The following NFIA variants were observed in gnomAD, a reference collection of about 807,000 sequenced individuals.
The protein encoded by NFIA is nuclear factor 1 A-type.
A neutral mutation model predicts 62.8 loss-of-function variants in NFIA; 8 were observed. That is an observed-to-expected ratio of 0.13 (90% CI 0.07 to 0.23). The LOEUF is 0.23. Ranked by LOEUF, NFIA falls within the 10% of genes least tolerant of loss-of-function variation. NFIA has a pLI of 1.00. For synonymous variants in NFIA, 235 were observed against 238.1 expected (o/e 0.99, Z 0.12); for missense variants, 410 against 642.1 (o/e 0.64, Z 3.91).
intron 2 of NFIA, among the ~76,000 whole-genome samples, chr1:61,274,384 A>G (rs1464449807): frequency 2.0e-5 from 3 of 152,260 alleles, no homozygotes; most frequent in Non-Finnish European, 2.9e-5. Context: ...AAAAAAATTG[A>G]TAACCCTAAT....
chr1:61,419,280 C>CA (rs962591630), intron 9 of NFIA, among the ~76,000 whole-genome samples: 30 of 151,932 alleles, frequency 2.0e-4, no homozygotes, highest in Admixed American at 1.8e-3. Flanking sequence ...CCTACTTCTA[C>CA]AAAAAATAAA....
intron 9 of NFIA, among the ~76,000 whole-genome samples, chr1:61,423,304 T>C (rs2100550091): frequency 6.6e-6 from 1 of 152,218 alleles, no homozygotes; most frequent in Admixed American, 6.5e-5. Flanking sequence ...TGATTTGATT[T>C]CTAATAGTCA....
intron 3 of NFIA, among the ~76,000 whole-genome samples, chr1:61,323,178 C>T (rs1378499154): frequency 6.6e-6 from 1 of 152,162 alleles, no homozygotes; most frequent in Non-Finnish European, 1.5e-5. Context: ...GTGACAATTT[C>T]TTAATGTGTC....
At chr1:61,319,858 A>G (rs1047967730) in intron 3 of NFIA, among the ~76,000 whole-genome samples, 6 of 148,516 alleles carry the variant, frequency 4.0e-5, no homozygotes, top group Non-Finnish European at 8.9e-5. Flanking sequence ...ATCACACTCT[A>G]TTAAGCCAGG....
intron 2 of NFIA, among the ~76,000 whole-genome samples, chr1:61,266,598 A>G (rs1384370047): frequency 2.0e-5 from 3 of 151,984 alleles, no homozygotes; most frequent in Non-Finnish European, 4.4e-5. Context: ...GGGTTTCTCC[A>G]TATTGGCCAG....
intron 2 of NFIA, among the ~76,000 whole-genome samples, chr1:61,199,976 C>G (rs1269283234): frequency 7.3e-6 from 1 of 136,622 alleles, no homozygotes; most frequent in Non-Finnish European, 1.5e-5. Flanking sequence ...GCCTGCACGA[C>G]AGAGCGAGAC....
In NFIA at chr1:61,092,348, G is replaced by C. The variant is rs998652180; in HGVS notation, c.559+3668G>C. Among the ~76,000 whole-genome samples the C allele has an allele frequency of 5.3e-5, 8 of 152,196 alleles. No individual in the cohort carries two copies. In the South Asian group the frequency reaches 1.7e-3, roughly 32 times the overall value. On this transcript the variant is annotated intron_variant, in intron 2 of 10. Coordinates refer to ENST00000403491, the MANE Select transcript of NFIA (RefSeq NM_001134673.4). ...GCAAGTTGCTGTTGTCCTAATGGCA[G>C]CAGTATGAGTACTTGTTAGTTTTAA...
chr1:61,450,290 A>G (rs1005609873), intron 10 of NFIA, among the ~76,000 whole-genome samples: 1 of 152,388 alleles, frequency 6.6e-6, no homozygotes, highest in South Asian at 2.1e-4. Context: ...CTCAGAGTCC[A>G]CTGAGAGACC....
chr1:61,264,633 A>C (rs1657027357), intron 2 of NFIA, among the ~76,000 whole-genome samples: 1 of 146,130 alleles, frequency 6.8e-6, no homozygotes, highest in African/African-American at 2.6e-5. Context: ...CCTGGGCGAT[A>C]AGAGCAAAAC....
In NFIA at chr1:61,457,055, GAC is replaced by G. The variant is rs1351157873; in HGVS notation, c.*1739_*1740del. ...TGTAGGATAAAGTAGAGTGCATTAA[GAC>G]ACAATATTGTAATCCCTACTCTAGG... On this transcript the variant is annotated 3_prime_UTR_variant, in exon 11 of 11. Coordinates refer to ENST00000403491, the MANE Select transcript of NFIA (RefSeq NM_001134673.4). This position sits in a 1 kb window ranked among gnomAD's most constrained non-coding sequence, Gnocchi z 4.2. The G allele has an allele frequency of 2.0e-5, 3 of 152,212 alleles. No homozygotes were observed. The East Asian group carries it at 5.8e-4, about 29-fold the overall frequency. The allele number at this position is 152,212 out of a possible 1,614,324, so 9.4% of individuals were successfully genotyped here. A position where few individuals can be genotyped will look rare whatever the true frequency, so the allele number is the denominator to read the frequency against.
intron 2 of NFIA, among the ~76,000 whole-genome samples, chr1:61,234,885 A>C (rs529943292): frequency 6.6e-6 from 1 of 152,286 alleles, no homozygotes; most frequent in East Asian, 1.9e-4. Flanking sequence ...AAGTGGCTAC[A>C]TCTGCATTGT....
chr1:61,454,395 A>G (rs530373361), intron 10 of NFIA, among the ~76,000 whole-genome samples: 7 of 152,334 alleles, frequency 4.6e-5, no homozygotes, highest in African/African-American at 7.2e-5. Flanking sequence ...TGACCAGACA[A>G]TTGCTCAAAG....
chr1:61,189,361 T>C (rs1256925365), intron 2 of NFIA, among the ~76,000 whole-genome samples: 1 of 152,032 alleles, frequency 6.6e-6, no homozygotes, highest in Non-Finnish European at 1.5e-5. Context: ...GAGAGAGTGC[T>C]CTAGAGTGTG....
intron 7 of NFIA, among the ~76,000 whole-genome samples, chr1:61,391,015 T>C (rs1664947604): frequency 6.6e-6 from 1 of 151,962 alleles, no homozygotes; most frequent in African/African-American, 2.4e-5. Context: ...CATGTTTAAG[T>C]GCTCAGTATA....
chr1:61,089,783 T>A (rs1192867478), intron 2 of NFIA, among the ~76,000 whole-genome samples: 3 of 150,654 alleles, frequency 2.0e-5, no homozygotes, highest in South Asian at 4.2e-4. Flanking sequence ...CTAAAAATGT[T>A]AGTGAGTTTT....
intron 2 of NFIA, among the ~76,000 whole-genome samples, chr1:61,214,164 T>C (rs746351549): frequency 1.3e-4 from 20 of 152,176 alleles, no homozygotes; most frequent in Non-Finnish European, 2.8e-4. Flanking sequence ...GATTAAAAGA[T>C]GTAAATTCGT....
intron 2 of NFIA, among the ~76,000 whole-genome samples, chr1:61,128,885 T>A (rs1647022062): frequency 6.6e-6 from 1 of 151,340 alleles, no homozygotes; most frequent in African/African-American, 2.4e-5. Context: ...AGAGTAGTAC[T>A]CTTTCCAGCC....
chr1:61,346,108 C>T (rs2100419125), intron 4 of NFIA, among the ~76,000 whole-genome samples: 1 of 152,266 alleles, frequency 6.6e-6, no homozygotes, highest in African/African-American at 2.4e-5. Context: ...CTCTTTATAA[C>T]CTTCAAAATG....
At chr1:61,426,631 C>A (rs1017982043) in intron 10 of NFIA, 75 bp downstream of exon 10, 20 of 700,426 alleles carry the variant, frequency 2.9e-5, no homozygotes, top group Non-Finnish European at 4.2e-5. Context: ...TTGTCTTTTG[C>A]ACAAAAGGCC....
Sources: gnomAD v4.1 joint callset for allele counts (sites outside exome capture counted in the v4.1 genomes callset) on GRCh38, gnomAD v4.1.1 for gene constraint, Gnocchi (gnomAD v3.1) non-coding constraint, MANE v1.5 for transcripts, NCBI Gene and HGNC (gene_info 2026-07-23, HGNC 2026-07-21) for gene names.